The following CLIP1 variants were observed in gnomAD, a reference collection of about 807,000 sequenced individuals.
The protein encoded by CLIP1 is CAP-Gly domain-containing linker protein 1.
In CLIP1, 66 loss-of-function variants were observed where a neutral mutation model predicts 161.6. The observed-to-expected ratio is 0.41, with a 90% CI of 0.33 to 0.50. CLIP1 has a LOEUF of 0.50. Ranked by LOEUF, CLIP1 falls within the 20% of genes least tolerant of loss-of-function variation. The pLI, the probability that CLIP1 is intolerant of heterozygous loss-of-function variation, is 0.27. For synonymous variants in CLIP1, 598 were observed against 626.2 expected (o/e 0.96, Z 0.67); for missense variants, 1,376 against 1,702.0 (o/e 0.81, Z 3.37).
intron 24 of CLIP1, chr12:122,277,428 C>T (rs1051695061): frequency 2.6e-5 from 4 of 151,488 alleles, no homozygotes; most frequent in African/African-American, 9.7e-5. Context: ...GCAATCATCC[C>T]ACCTTGGCCT....
chr12:122,331,462 A>ACAC (rs1296337809), intron 15 of CLIP1, among the ~76,000 whole-genome samples: 2 of 151,712 alleles, frequency 1.3e-5, no homozygotes, highest in African/African-American at 4.8e-5. Context: ...TTACGGGTGC[A>ACAC]CACCACCATG....
intron 20 of CLIP1, among the ~76,000 whole-genome samples, chr12:122,306,187 G>A (rs190238279): frequency 2.0e-5 from 3 of 151,866 alleles, no homozygotes; most frequent in African/African-American, 4.8e-5. Flanking sequence ...TTTGGGACTC[G>A]AACTGGCTTC....
At chr12:122,417,579 C>G (rs1418270241) in intron 1 of CLIP1, among the ~76,000 whole-genome samples, 1 of 147,252 alleles carries the variant, frequency 6.8e-6, no homozygotes, top group Non-Finnish European at 1.5e-5. Context: ...GTGGCGAGAT[C>G]TCCGCTCACT....
intron 2 of CLIP1, 128 bp downstream of exon 2, chr12:122,380,240 C>CT: frequency 1.7e-6 from 1 of 582,200 alleles, no homozygotes; most frequent in East Asian, 3.4e-5. Flanking sequence ...TAGATTCCAT[C>CT]TCAAAAAAAA....
chr12:122,405,341 CTTT>C (rs1030291687), intron 1 of CLIP1, among the ~76,000 whole-genome samples: 7 of 152,052 alleles, frequency 4.6e-5, no homozygotes, highest in African/African-American at 1.7e-4. Flanking sequence ...TTTTTTTAGT[CTTT>C]TGTCACTTTA....
chr12:122,356,442 T>C (rs1187043253), intron 5 of CLIP1, among the ~76,000 whole-genome samples: 1 of 152,158 alleles, frequency 6.6e-6, no homozygotes, highest in East Asian at 1.9e-4. Context: ...GCTATTCCCA[T>C]GACGAAAATG....
At chr12:122,273,584 T>C (rs1288106439) in intron 25 of CLIP1, among the ~76,000 whole-genome samples, 7 of 152,018 alleles carry the variant, frequency 4.6e-5, no homozygotes, top group Non-Finnish European at 1.0e-4. Flanking sequence ...GCATTTGTAG[T>C]CTCCTCTCAC....
At chr12:122,283,603 C>A (rs1955733752) in intron 21 of CLIP1, among the ~76,000 whole-genome samples, 1 of 151,834 alleles carries the variant, frequency 6.6e-6, no homozygotes, top group African/African-American at 2.4e-5. Context: ...AGATTCCAGG[C>A]ACCCGCCACC....
At position 122,310,647 on chromosome 12, in the gene CLIP1, C is replaced by A. The variant is rs531093244; in HGVS notation, c.3474-765G>T. On this transcript the variant is annotated intron_variant, in intron 19 of 25. Coordinates refer to ENST00000620786, the MANE Select transcript of CLIP1 (RefSeq NM_001247997.2). ...CAAAACATACATCCTAAACATTATC[C>A]TTTATACATGAATATGCACAATATT... Among the ~76,000 whole-genome samples the A allele has an allele frequency of 1.7e-3, 257 of 152,238 alleles. 1 individual carries two copies. Among genetic ancestry groups the A allele is most frequent in the Non-Finnish European group, 2.8e-3 (189 of 68,008 alleles).
chr12:122,341,297 T>G lies in CLIP1; in HGVS notation c.1907A>C (p.Gln636Pro). 1 of 1,613,992 alleles carries G rather than the reference T, an allele frequency of 6.2e-7. No homozygotes were observed. Among genetic ancestry groups the G allele is most frequent in the Non-Finnish European group, 8.5e-7 (1 of 1,179,868 alleles). Residue 636 changes from glutamine to proline, a missense_variant, in exon 11 of 26, where the codon CAG becomes CCG. Transcript: ENST00000620786. ...KLETAIASHQ[Q>P]AMEELKVSFS... The stretch of plus-strand genomic sequence containing the variant: ...AGATACCTTCAGTTCTTCCATCGCC[T>G]GCTGGTGGGATGCGATGGCAGTCTC...
In CLIP1 at chr12:122,377,882, A is replaced by G; in HGVS notation, c.164T>C (p.Val55Ala). 3 of 1,614,034 alleles carry G rather than the reference A, an allele frequency of 1.9e-6. No homozygotes were observed. Among genetic ancestry groups the G allele is most frequent in the Non-Finnish European group, 2.5e-6 (3 of 1,180,004 alleles). The stretch of plus-strand genomic sequence containing the variant: ...TCGCTCCCCAACTCGAAAGTCATCC[A>G]CAAATTCCTCCTGAGTCTCAGATGA... ...TPSSETQEEF[V>A]DDFRVGERVW... The change falls in exon 3 of 26, where the codon GTG becomes GCG. Residue 55 changes from valine (V) to alanine (A), a missense_variant. Val to Ala is a moderately conservative substitution (Grantham distance 64). This residue lies in a region of CLIP1 where 66 missense variants were observed against 67.8 expected (regional missense o/e 0.97). Transcript: ENST00000620786.
intron 19 of CLIP1, 138 bp from the exon 20 acceptor site, chr12:122,310,020 AT>A: frequency 1.1e-6 from 1 of 905,376 alleles, no homozygotes; most frequent in Non-Finnish European, 1.6e-6. Context: ...AGCAGACAGT[AT>A]TATCTACATG....
chr12:122,403,339 A>G (rs1191693802), intron 1 of CLIP1, among the ~76,000 whole-genome samples: 2 of 152,144 alleles, frequency 1.3e-5, no homozygotes, highest in African/African-American at 2.4e-5. Context: ...AGCTCAGCAC[A>G]AAGAGTTTGA....
chr12:122,277,356 T>G (rs1955471921), intron 24 of CLIP1: 1 of 151,056 alleles, frequency 6.6e-6, no homozygotes, highest in African/African-American at 2.4e-5. Context: ...TTTTTTGTTT[T>G]TTTTTTTTTG....
intron 17 of CLIP1, among the ~76,000 whole-genome samples, chr12:122,326,019 C>T (rs1951699785): frequency 6.6e-6 from 1 of 152,218 alleles, no homozygotes; most frequent in African/African-American, 2.4e-5. Flanking sequence ...AGCTATAGCC[C>T]ACTGGCTCTT....
intron 20 of CLIP1, among the ~76,000 whole-genome samples, chr12:122,296,037 T>C (rs1419185136): frequency 6.6e-6 from 1 of 152,230 alleles, no homozygotes; most frequent in African/African-American, 2.4e-5. Flanking sequence ...TTAGATCATG[T>C]TATTTTAAAA....
At chr12:122,352,639 G>T (rs1953096499) in intron 8 of CLIP1, 87 bp downstream of exon 8, 1 of 1,219,538 alleles carries the variant, frequency 8.2e-7, no homozygotes, top group Non-Finnish European at 1.2e-6. Context: ...GGCTGTTCTG[G>T]CCGCTCATTT....
At chr12:122,336,805 A>C (rs911247458) in intron 11 of CLIP1, 57 bp from the exon 12 acceptor site, 2 of 717,124 alleles carry the variant, frequency 2.8e-6, no homozygotes, top group Admixed American at 2.9e-5. Flanking sequence ...AACAAAAGAG[A>C]ATGAGAAGAA....
rs1447122998 is a variant in CLIP1 at position 122,279,571 on chromosome 12, G to C, written c.3648-426C>G. The stretch of plus-strand genomic sequence containing the variant: ...TACACACATGCAAAGCAGTTATACA[G>C]ATGTCATGCAGAGCAGCTTTATGCT... On this transcript the variant is annotated intron_variant, in intron 21 of 25. Transcript: ENST00000620786. The surrounding 1 kb of genome is among the most constrained non-coding windows in gnomAD (Gnocchi z 4.5). The C allele has an allele frequency of 6.6e-6, 1 of 152,458 alleles. No homozygotes were observed. Among genetic ancestry groups the C allele is most frequent in the African/African-American group, 2.4e-5 (1 of 41,434 alleles). 9.4% of individuals were successfully genotyped at this position (152,458 alleles called of 1,614,324 possible).
Sources: gnomAD v4.1 joint callset for allele counts (sites outside exome capture counted in the v4.1 genomes callset) on GRCh38, gnomAD v4.1.1 for gene constraint, gnomAD v4.1.1 regional missense constraint, Gnocchi (gnomAD v3.1) non-coding constraint, MANE v1.5 for transcripts, NCBI Gene and HGNC (gene_info 2026-07-23, HGNC 2026-07-21) for gene names.